MSI2: variants seen among roughly 807,000 people sequenced by gnomAD.
MSI2 encodes musashi RNA binding protein 2, also known as RNA-binding protein Musashi homolog 2.
In MSI2, 17 loss-of-function variants were observed where a neutral mutation model predicts 45.6. The observed-to-expected ratio is 0.37, with a 90% CI of 0.26 to 0.56. The LOEUF (loss-of-function observed/expected upper bound fraction) is 0.56, where lower values mean the gene tolerates loss of function less well. MSI2 is among the 20% of genes least tolerant of loss of function. MSI2 has a pLI of 0.77. For synonymous variants in MSI2, 156 were observed against 158.2 expected (o/e 0.99, Z 0.11); for missense variants, 293 against 444.2 (o/e 0.66, Z 3.06).
chr17:57,634,621 G>C (rs1223668219), intron 10 of MSI2, among the ~76,000 whole-genome samples: 1 of 152,152 alleles, frequency 6.6e-6, no homozygotes, highest in Non-Finnish European at 1.5e-5. Flanking sequence ...GTATATCCCA[G>C]ACAGAGAAAT....
intron 5 of MSI2, among the ~76,000 whole-genome samples, chr17:57,349,163 C>A (rs1400236936): frequency 6.6e-6 from 1 of 152,158 alleles, no homozygotes; most frequent in Non-Finnish European, 1.5e-5. Flanking sequence ...GATGAGGACT[C>A]CAGGCTCTCG....
At chr17:57,633,085 C>T (rs1194038799) in intron 10 of MSI2, 1 of 1,034,398 alleles carries the variant, frequency 9.7e-7, no homozygotes, top group South Asian at 4.6e-5. Flanking sequence ...GAATTTTCTT[C>T]ATCTCTGTAA....
intron 5 of MSI2, among the ~76,000 whole-genome samples, chr17:57,381,737 C>T (rs2083601708): frequency 6.6e-6 from 1 of 152,184 alleles, no homozygotes. Flanking sequence ...ACTTCAGTAG[C>T]CATGTGTGGC....
At chr17:57,479,821 A>T (rs746314583) in intron 6 of MSI2, among the ~76,000 whole-genome samples, 21 of 152,172 alleles carry the variant, frequency 1.4e-4, no homozygotes, top group Non-Finnish European at 2.5e-4. Flanking sequence ...TTTGATCCTC[A>T]TTGATAGGTA....
At position 57,526,359 on chromosome 17, in the gene MSI2, GTGTGTGTGTGTGTGTGTGTGTGTGT is replaced by G. The variant is rs1567877871; in HGVS notation, c.406-3316_406-3292del. On this transcript the variant is annotated intron_variant, in intron 6 of 13. Transcript: ENST00000284073. ...TCATAGCCCCCTGATATACCTGGGT[GTGTGTGTGTGTGTGTGTGTGTGTGT>G]GTGTGTGTGTGTGTGTGTGTGTGTG... Among the ~76,000 whole-genome samples, 259 of 67,012 alleles carry G rather than the reference GTGTGTGTGTGTGTGTGTGTGTGTGT, an allele frequency of 3.9e-3. 3 individuals carry two copies. Among genetic ancestry groups the G allele is most frequent in the African/African-American group, 0.011 (255 of 22,976 alleles). 44.0% of individuals were successfully genotyped at this position (67,012 alleles called of 152,430 possible). A position where few individuals can be genotyped will look rare whatever the true frequency, so the allele number is the denominator to read the frequency against.
chr17:57,454,380 G>A (rs915021250), intron 6 of MSI2, among the ~76,000 whole-genome samples: 3 of 151,684 alleles, frequency 2.0e-5, no homozygotes, highest in African/African-American at 4.8e-5. Context: ...GCTGCTGAAG[G>A]TATGTCTGTC....
intron 7 of MSI2, among the ~76,000 whole-genome samples, chr17:57,588,177 A>T: frequency 6.6e-6 from 1 of 152,186 alleles, no homozygotes; most frequent in South Asian, 2.1e-4. Flanking sequence ...GACCCCTCGC[A>T]TCCATCGCGG....
At chr17:57,685,139 G>T (rs1014495952), downstream of MSI2, among the ~76,000 whole-genome samples, 1 of 152,090 alleles carries the variant, frequency 6.6e-6, no homozygotes, top group East Asian at 1.9e-4. Context: ...CTGCCCTCAA[G>T]GAGTTTTAAG....
intron 10 of MSI2, chr17:57,631,723 CTT>C (rs1909385418): frequency 3.7e-6 from 5 of 1,350,122 alleles, no homozygotes; most frequent in South Asian, 1.2e-5. Context: ...TGCTTCCTCT[CTT>C]TTCCCCACTC....
At chr17:57,464,637 G>C (rs1468182020) in intron 6 of MSI2, among the ~76,000 whole-genome samples, 1 of 152,156 alleles carries the variant, frequency 6.6e-6, no homozygotes, top group Non-Finnish European at 1.5e-5. Context: ...AGCCTCTTCA[G>C]CTGGAAGGAG....
chr17:57,690,847 C>T, the MSI2 span, among the ~76,000 whole-genome samples: 7 of 152,138 alleles, frequency 4.6e-5, no homozygotes, highest in Non-Finnish European at 8.8e-5. Context: ...TCTAAGAAAT[C>T]TTTGTCTAAC....
At chr17:57,470,223 A>G (rs1482881306) in intron 6 of MSI2, among the ~76,000 whole-genome samples, 1 of 152,228 alleles carries the variant, frequency 6.6e-6, no homozygotes, top group Non-Finnish European at 1.5e-5. Context: ...TCACCAGCTT[A>G]GTACTCCCTA....
intron 8 of MSI2, among the ~76,000 whole-genome samples, chr17:57,602,973 G>A (rs1281078765): frequency 1.3e-5 from 2 of 152,220 alleles, no homozygotes; most frequent in African/African-American, 4.8e-5. Context: ...GACAGATAAT[G>A]TGGGACTTGT....
At chr17:57,392,108 G>A (rs1030466239) in intron 5 of MSI2, among the ~76,000 whole-genome samples, 8 of 152,186 alleles carry the variant, frequency 5.3e-5, no homozygotes, top group African/African-American at 9.7e-5. Context: ...GCTCTGCAGC[G>A]CTTGATGCAG....
intron 5 of MSI2, among the ~76,000 whole-genome samples, chr17:57,342,571 C>T (rs1418432180): frequency 1.3e-5 from 2 of 152,344 alleles, no homozygotes; most frequent in East Asian, 3.9e-4. Flanking sequence ...TAGTTAAAAA[C>T]TTCCAGACTG....
intron 11 of MSI2, 26 bp from the exon 12 acceptor site, chr17:57,674,946 T>C (rs1193557518): frequency 6.2e-7 from 1 of 1,612,108 alleles, no homozygotes; most frequent in East Asian, 2.2e-5. Flanking sequence ...CTCAACCGAA[T>C]TTTGGCGCGC....
chr17:57,358,345 G>A (rs1004150802), intron 5 of MSI2, among the ~76,000 whole-genome samples: 1 of 152,074 alleles, frequency 6.6e-6, no homozygotes, highest in Admixed American at 6.6e-5. Context: ...TGATATTTAA[G>A]GTTAAGGGCT....
At chr17:57,392,273 G>T (rs150794723) in intron 5 of MSI2, among the ~76,000 whole-genome samples, 1 of 152,154 alleles carries the variant, frequency 6.6e-6, no homozygotes, top group Non-Finnish European at 1.5e-5. Flanking sequence ...CTGTGGCTGC[G>T]GCTTTTTCCC....
intron 5 of MSI2, among the ~76,000 whole-genome samples, chr17:57,294,158 A>T (rs928158856): frequency 9.2e-5 from 14 of 152,254 alleles, no homozygotes; most frequent in Non-Finnish European, 1.5e-4. Flanking sequence ...AATCTTGGAC[A>T]TGGGAGGATC....
Sources: allele counts gnomAD v4.1 joint callset (sites outside exome capture counted in the v4.1 genomes callset), GRCh38; gene constraint gnomAD v4.1.1; transcripts MANE v1.5; gene names NCBI Gene and HGNC (gene_info 2026-07-23, HGNC 2026-07-21).